WWP1: variants seen among roughly 807,000 people sequenced by gnomAD.
WWP1 encodes the protein NEDD4-like E3 ubiquitin-protein ligase WWP1.
In WWP1, 49 loss-of-function variants were observed where a neutral mutation model predicts 130.6. The ratio of observed to expected loss-of-function variants is 0.38; its 90% CI spans 0.30 to 0.48. The LOEUF (loss-of-function observed/expected upper bound fraction) is 0.48, where lower values mean the gene tolerates loss of function less well. Ranked by LOEUF, WWP1 falls within the 20% of genes least tolerant of loss-of-function variation. The pLI is 0.99. For synonymous variants in WWP1, 332 were observed against 367.8 expected (o/e 0.90, Z 1.11); for missense variants, 809 against 1,100.6 (o/e 0.74, Z 3.75).
intron 5 of WWP1, among the ~76,000 whole-genome samples, chr8:86,397,201 C>T (rs984281241): frequency 3.3e-5 from 5 of 152,160 alleles, no homozygotes; most frequent in African/African-American, 7.2e-5. Context: ...TCATCAAAAA[C>T]GTGAAATGTT....
chr8:86,344,611 G>A (rs1434637146), intron 1 of WWP1, among the ~76,000 whole-genome samples: 1 of 152,222 alleles, frequency 6.6e-6, no homozygotes, highest in Non-Finnish European at 1.5e-5. Flanking sequence ...CCTCTCAGAA[G>A]TCAACTTCAA....
At chr8:86,345,081 G>A (rs1822493186) in intron 1 of WWP1, among the ~76,000 whole-genome samples, 1 of 152,164 alleles carries the variant, frequency 6.6e-6, no homozygotes, top group South Asian at 2.1e-4. Flanking sequence ...GTCATGGATA[G>A]TGAGGATCTG....
chr8:86,461,727 A>G, intron 23 of WWP1, 47 bp from the exon 24 acceptor site: 1 of 1,493,170 alleles, frequency 6.7e-7, no homozygotes, highest in Non-Finnish European at 9.3e-7. Flanking sequence ...GTCAGAAGAA[A>G]AAAGTTTAAA....
rs1808526000 is a variant in WWP1, at chr8:86,410,580, A to G, written c.725-958A>G. Reference sequence around the variant, plus strand: ...CCCTAGAGATTTCCCCTAGAGATTCAGTAAGTCTAGGATGAGGACTTAGAT... The same window carrying G: ...CCCTAGAGATTTCCCCTAGAGATTCGGTAAGTCTAGGATGAGGACTTAGAT... On this transcript the variant is annotated intron_variant, in intron 8 of 24. Coordinates refer to ENST00000517970, the MANE Select transcript of WWP1 (RefSeq NM_007013.4). 2.0e-5 allele frequency among the ~76,000 whole-genome samples: 3 copies of G among 152,280 alleles called. No individual in the cohort carries two copies. In the South Asian group the frequency reaches 6.2e-4, roughly 32 times the overall value.
intron 1 of WWP1, among the ~76,000 whole-genome samples, chr8:86,367,610 T>C (rs967553204): frequency 6.6e-5 from 10 of 152,268 alleles, no homozygotes; most frequent in African/African-American, 2.2e-4. Flanking sequence ...TTTCAAAGGG[T>C]TGGACTAACA....
intron 18 of WWP1, 97 bp from the exon 19 acceptor site, chr8:86,448,051 T>A: frequency 1.9e-6 from 2 of 1,070,368 alleles, no homozygotes; most frequent in Non-Finnish European, 1.3e-6. Context: ...GAATGCTTTG[T>A]TTACTTGTGA....
intron 1 of WWP1, among the ~76,000 whole-genome samples, chr8:86,344,152 G>A (rs1466402009): frequency 3.3e-5 from 5 of 152,172 alleles, no homozygotes; most frequent in Admixed American, 2.6e-4. Context: ...TAAATGGTTA[G>A]TATTTTAAAA....
chr8:86,409,226 CTTTTTTTTTTTT>C (rs1230976832), intron 8 of WWP1, among the ~76,000 whole-genome samples: 9 of 100,494 alleles, frequency 9.0e-5, no homozygotes, highest in East Asian at 5.8e-4. Flanking sequence ...CTTTTTCTTT[CTTTTTTTTTTTT>C]TTTTTTTTTT....
At chr8:86,384,107 A>C (rs960314139) in intron 5 of WWP1, among the ~76,000 whole-genome samples, 12 of 152,058 alleles carry the variant, frequency 7.9e-5, no homozygotes, top group Non-Finnish European at 1.5e-4. Context: ...TCTGCGTCCA[A>C]ATTTCCCCTT....
At chr8:86,370,287 T>TA (rs1268499354) in intron 2 of WWP1, among the ~76,000 whole-genome samples, 1 of 152,180 alleles carries the variant, frequency 6.6e-6, no homozygotes, top group Non-Finnish European at 1.5e-5. Context: ...TGAGCAGACA[T>TA]AAAAATAGAC....
At position 86,448,465 on chromosome 8, in the gene WWP1, G is replaced by C. The variant is rs1158506249; in HGVS notation, c.2225G>C (p.Gly742Ala). The C allele has an allele frequency of 6.2e-7, 1 of 1,613,652 alleles. No individual in the cohort carries two copies. Among genetic ancestry groups the C allele is most frequent in the African/African-American group, 1.3e-5 (1 of 74,890 alleles). ...GTTACTTCACATGACCTGAAGTTGG[G>C]AGGTTCCAATATTCTGGTGACTGAG... ...GKVTSHDLKL[G>A]GSNILVTEEN... The change falls in exon 20 of 25, where the codon GGA becomes GCA. Residue 742 changes from glycine to alanine, a missense_variant. Around this residue, in one of 3 missense-constraint regions of WWP1, gnomAD observed 450 missense variants for 674.2 expected, o/e 0.67. Transcript: ENST00000517970.
chr8:86,438,953 T>C (rs988563272), intron 17 of WWP1, among the ~76,000 whole-genome samples: 5 of 152,232 alleles, frequency 3.3e-5, no homozygotes, highest in Non-Finnish European at 5.9e-5. Context: ...ATGTAGGATC[T>C]GATTTTGTTT....
intron 3 of WWP1, among the ~76,000 whole-genome samples, chr8:86,378,434 G>A (rs964463842): frequency 2.0e-5 from 3 of 151,866 alleles, no homozygotes; most frequent in African/African-American, 7.3e-5. Context: ...GGATGTTATT[G>A]TGAGTGGGAT....
rs1044620165 is a variant in WWP1 at position 86,426,945 on chromosome 8, G to A, written c.1158-698G>A. Reference sequence around the variant, plus strand: ...AGGCCAAGAGGTGGGAGGATCACCTGAGGTCAGGAGTTCGAGACCATCCTG... The same window carrying A: ...AGGCCAAGAGGTGGGAGGATCACCTAAGGTCAGGAGTTCGAGACCATCCTG... On this transcript the variant is annotated intron_variant, in intron 10 of 24. Transcript: ENST00000517970. 7.9e-5 allele frequency among the ~76,000 whole-genome samples: 12 copies of A among 152,152 alleles called. 1 individual carries two copies. The highest frequency in any genetic ancestry group is 5.2e-4 in the Admixed American group (8 of 15,284).
Position 86,448,263 on chromosome 8 carries a change from A to G in WWP1, c.2114A>G (p.Asn705Ser). 6.3e-7 allele frequency: 1 copy of G among 1,581,818 alleles called. No individual in the cohort carries two copies. The change falls in exon 19 of 25, where the codon AAC becomes AGC. Residue 705 changes from asparagine to serine, a missense_variant. Physicochemically the swap from Asn to Ser is conservative, Grantham distance 46 (BLOSUM62 1). This residue lies in a region of WWP1 where 450 missense variants were observed against 674.2 expected (regional missense o/e 0.67). Coordinates refer to ENST00000517970, the MANE Select transcript of WWP1 (RefSeq NM_007013.4). ...DLESIDTEFY[N>S]SLIWIRDNNI... is the part of the protein sequence containing the mutation. ...GAATCTATTGATACTGAATTTTATA[A>G]CTCCCTTATCTGGATAAGGTTTGAA... is the stretch of plus-strand genomic sequence containing the variant.
At chr8:86,372,900 T>C (rs1824409578) in intron 2 of WWP1, among the ~76,000 whole-genome samples, 1 of 152,116 alleles carries the variant, frequency 6.6e-6, no homozygotes, top group Non-Finnish European at 1.5e-5. Context: ...TTAACTCCTT[T>C]CTTTGGGTTT....
At chr8:86,359,101 C>T (rs573171382) in intron 1 of WWP1, among the ~76,000 whole-genome samples, 1 of 152,326 alleles carries the variant, frequency 6.6e-6, no homozygotes, top group South Asian at 2.1e-4. Flanking sequence ...TTCTGCCATG[C>T]AGCCAGATTG....
rs1034961478 is a variant in WWP1, at chr8:86,404,504, C to T, written c.724+2301C>T. ...TTCCATTGGTAATAAGTTCAGTTCT[C>T]GCATTTCTTTCTTATTTATTCTTGC... On this transcript the variant is annotated intron_variant, in intron 8 of 24. Coordinates refer to ENST00000517970, the MANE Select transcript of WWP1 (RefSeq NM_007013.4). Among the ~76,000 whole-genome samples, 7 of 152,240 alleles carry T rather than the reference C, an allele frequency of 4.6e-5. No homozygotes were observed. In the East Asian group the frequency reaches 1.2e-3, roughly 25 times the overall value.
At chr8:86,396,200 G>C (rs1807653382) in intron 5 of WWP1, among the ~76,000 whole-genome samples, 1 of 151,928 alleles carries the variant, frequency 6.6e-6, no homozygotes, top group South Asian at 2.1e-4. Context: ...CCGAATTCAA[G>C]CAATTCTCCT....
Sources: gnomAD v4.1 joint callset for allele counts (sites outside exome capture counted in the v4.1 genomes callset) on GRCh38, gnomAD v4.1.1 for gene constraint, gnomAD v4.1.1 regional missense constraint, MANE v1.5 for transcripts, NCBI Gene and HGNC (gene_info 2026-07-23, HGNC 2026-07-21) for gene names.